Variants in COL22A1 observed in about 807,000 individuals in gnomAD.
COL22A1 encodes the protein collagen type XXII alpha 1 chain, also known as collagen alpha-1(XXII) chain.
Under a neutral mutation model 248.9 loss-of-function variants are expected in COL22A1, and 221 were observed. The observed-to-expected ratio is 0.89, with a 90% CI of 0.80 to 0.99. The LOEUF (loss-of-function observed/expected upper bound fraction) is 0.99. Among genes scored for constraint, COL22A1 ranks in the 50% least tolerant of loss-of-function variants. The probability of loss-of-function intolerance (pLI) is 0.00; values close to 1 mark genes in which losing one functional copy is unlikely to be tolerated. For missense variants in COL22A1, 2,240 were observed against 2,179.0 expected, an observed-to-expected ratio of 1.03 and a Z score of -0.56; for synonymous variants, 891 against 793.4, an observed-to-expected ratio of 1.12 and a Z score of -2.07.
chr8:138,656,566 G>A lies in COL22A1; in HGVS notation c.3286-622C>T, dbSNP rs188515994. Among the ~76,000 whole-genome samples, 30 of 152,256 alleles carry A rather than the reference G, an allele frequency of 2.0e-4. No individual in the cohort carries two copies. The East Asian group carries it at 5.2e-3, about 26-fold the overall frequency. ...CAGACCCACTGTGAGTTGGAGCTAC[G>A]ATTGTGGCTCTTACAACCACAGCCA... On this transcript the variant is annotated intron_variant, in intron 44 of 64. Transcript: ENST00000303045.
At chr8:138,753,572 G>A (rs369960276) in intron 21 of COL22A1, among the ~76,000 whole-genome samples, 3 of 152,218 alleles carry the variant, frequency 2.0e-5, no homozygotes, top group Non-Finnish European at 2.9e-5. Flanking sequence ...GAAATGGTAC[G>A]TGCAGGGGAT....
intron 22 of COL22A1, among the ~76,000 whole-genome samples, chr8:138,740,392 G>A (rs966170652): frequency 5.9e-5 from 9 of 152,284 alleles, no homozygotes; most frequent in South Asian, 2.1e-4. Flanking sequence ...CGTTGTGGTC[G>A]GGGGATGAAG....
At chr8:138,733,252 G>A (rs1170949467) in intron 23 of COL22A1, among the ~76,000 whole-genome samples, 1 of 152,226 alleles carries the variant, frequency 6.6e-6, no homozygotes, top group East Asian at 1.9e-4. Flanking sequence ...TTTCCTAAAA[G>A]GCTGCCAGGA....
chr8:138,819,315 G>A (rs2131739606), intron 7 of COL22A1, among the ~76,000 whole-genome samples: 1 of 152,118 alleles, frequency 6.6e-6, no homozygotes, highest in African/African-American at 2.4e-5. Flanking sequence ...ATATGTAAAG[G>A]TTATCTAGAA....
intron 59 of COL22A1, among the ~76,000 whole-genome samples, chr8:138,603,420 G>A (rs1181304663): frequency 6.6e-6 from 1 of 152,222 alleles, no homozygotes; most frequent in Admixed American, 6.5e-5. Flanking sequence ...TAGGTGCGTG[G>A]AAGAGTGAGG....
chr8:138,748,723 T>G (rs960197002), intron 22 of COL22A1, among the ~76,000 whole-genome samples: 2 of 152,194 alleles, frequency 1.3e-5, no homozygotes, highest in African/African-American at 4.8e-5. Context: ...GCCTGTGGGT[T>G]GTGTTAAGCT....
chr8:138,635,872 C>G (rs184459354), intron 48 of COL22A1, among the ~76,000 whole-genome samples: 210 of 152,304 alleles, frequency 1.4e-3, no homozygotes, highest in African/African-American at 3.8e-3. Flanking sequence ...TTGAGCACTG[C>G]TCTCATCTCA....
At chr8:138,653,092 G>A (rs1362112288) in intron 45 of COL22A1, among the ~76,000 whole-genome samples, 1 of 152,072 alleles carries the variant, frequency 6.6e-6, no homozygotes, top group African/African-American at 2.4e-5. Flanking sequence ...GTCATTGCAT[G>A]TAATACTGTA....
intron 16 of COL22A1, among the ~76,000 whole-genome samples, chr8:138,774,874 A>G (rs1426573318): frequency 6.6e-6 from 1 of 152,232 alleles, no homozygotes; most frequent in Non-Finnish European, 1.5e-5. Context: ...AAAACGCTGC[A>G]TGTCGGAACA....
chr8:138,668,697 A>C lies in COL22A1; in HGVS notation c.3151-4957T>G, dbSNP rs4380981. Among the ~76,000 whole-genome samples the C allele has an allele frequency of 2.6e-5, 4 of 151,902 alleles. No homozygotes were observed. The South Asian group carries it at 8.3e-4, about 32-fold the overall frequency. ...GTAATCTTTGATCTGAGTACCTCAC[A>C]TGTGTGCAGGCCTAGTGCTGTGTGC... On this transcript the variant is annotated intron_variant, in intron 41 of 64. Coordinates refer to ENST00000303045, the MANE Select transcript of COL22A1 (RefSeq NM_152888.3).
intron 32 of COL22A1, among the ~76,000 whole-genome samples, chr8:138,696,807 T>C (rs879596734): frequency 1.1e-4 from 16 of 152,344 alleles, no homozygotes; most frequent in Admixed American, 8.5e-4. Flanking sequence ...TCCATTGCCA[T>C]TGAGCTCAGA....
At chr8:138,701,232 C>T (rs1352316158) in intron 31 of COL22A1, among the ~76,000 whole-genome samples, 1 of 152,094 alleles carries the variant, frequency 6.6e-6, no homozygotes, top group Admixed American at 6.6e-5. Flanking sequence ...TGTTCTTTTC[C>T]TGGATCACAT....
chr8:138,755,724 T>A, intron 19 of COL22A1, 61 bp downstream of exon 19: 1 of 1,545,702 alleles, frequency 6.5e-7, no homozygotes, highest in Non-Finnish European at 8.9e-7. Flanking sequence ...AGGTGAAGAC[T>A]CATCCAACCA....
intron 16 of COL22A1, 48 bp from the exon 17 acceptor site, chr8:138,762,514 G>A: frequency 6.3e-7 from 1 of 1,582,590 alleles, no homozygotes; most frequent in East Asian, 2.2e-5. Context: ...GTGACCACAG[G>A]CAGCAGCCCA....
At chr8:138,894,585 T>A (rs1353462738) in intron 1 of COL22A1, among the ~76,000 whole-genome samples, 1 of 152,136 alleles carries the variant, frequency 6.6e-6, no homozygotes, top group South Asian at 2.1e-4. Context: ...CAAAGGCAGA[T>A]GGGCACTTGA....
In COL22A1 at chr8:138,860,980, C is replaced by T. The variant is rs73351925; in HGVS notation, c.658+16770G>A. On this transcript the variant is annotated intron_variant, in intron 3 of 64. Transcript: ENST00000303045. ...TGGGAACTTCCCTCCATCTCCACTG[C>T]CTCCCCTTTGGCTCTGCCCTGTCAT... Among the ~76,000 whole-genome samples the T allele has an allele frequency of 4.7e-3, 716 of 152,270 alleles. 3 individuals are homozygous for T. Among genetic ancestry groups the T allele is most frequent in the African/African-American group, 0.015 (639 of 41,542 alleles).
chr8:138,741,679 C>G (rs1442386693), intron 22 of COL22A1, among the ~76,000 whole-genome samples: 1 of 152,164 alleles, frequency 6.6e-6, no homozygotes, highest in Non-Finnish European at 1.5e-5. Flanking sequence ...CCTTTGTGTT[C>G]TTGTAGTGGG....
intron 3 of COL22A1, among the ~76,000 whole-genome samples, chr8:138,858,709 G>C (rs887055469): frequency 2.6e-5 from 4 of 152,234 alleles, no homozygotes; most frequent in African/African-American, 7.2e-5. Context: ...CCCCGGGTGA[G>C]AGGGTTGCTG....
At chr8:138,657,438 TAG>T (rs1823378853) in intron 44 of COL22A1, among the ~76,000 whole-genome samples, 1 of 152,238 alleles carries the variant, frequency 6.6e-6, no homozygotes, top group South Asian at 2.1e-4. Context: ...TTTGCATAAT[TAG>T]AGTCAGTTAT....
Sources: gnomAD v4.1 joint callset for allele counts (sites outside exome capture counted in the v4.1 genomes callset) on GRCh38, gnomAD v4.1.1 for gene constraint, MANE v1.5 for transcripts, NCBI Gene and HGNC (gene_info 2026-07-23, HGNC 2026-07-21) for gene names.